NBPF20: variants seen among roughly 807,000 people sequenced by gnomAD.
The protein encoded by NBPF20 is NBPF member 20.
A neutral mutation model predicts 68.1 loss-of-function variants in NBPF20; 90 were observed. The observed-to-expected ratio is 1.32, with a 90% CI of 1.11 to 1.58. NBPF20 has a LOEUF of 1.58. Ranked by LOEUF, NBPF20 falls within the 40% of genes most tolerant of loss-of-function variation. The pLI, the probability that NBPF20 is intolerant of heterozygous loss-of-function variation, is 0.00. For missense variants in NBPF20, 816 were observed against 601.2 expected (o/e 1.36, Z -3.74); for synonymous variants, 290 against 228.1 (o/e 1.27, Z -2.45).
At chr1:145,405,031 G>T in intron 2 of NBPF20, 67 bp downstream of exon 7, 3 of 1,606,372 alleles carry the variant, frequency 1.9e-6, no homozygotes, top group African/African-American at 2.7e-5. Context: ...GATGGAGAGA[G>T]CATTTAGTGT....
chr1:145,421,305 C>A, the NBPF20 span, among the ~76,000 whole-genome samples: 1 of 152,164 alleles, frequency 6.6e-6, no homozygotes, highest in East Asian at 1.9e-4. Context: ...ATTCTACAGG[C>A]TGTCTCGCTG....
At position 145,309,479 on chromosome 1, in the gene NBPF20, C is replaced by G. The variant is rs1398761707; in HGVS notation, c.13938-231G>C. Among the ~76,000 whole-genome samples, 10 of 73,888 alleles carry G rather than the reference C, an allele frequency of 1.4e-4. 1 individual carries two copies. Among genetic ancestry groups the G allele is most frequent in the African/African-American group, 2.8e-4 (4 of 14,396 alleles). The allele number at this position is 73,888 out of a possible 152,430, so 48.5% of individuals were successfully genotyped here. On this transcript the variant is annotated intron_variant, in intron 115 of 137. Coordinates refer to ENST00000369373, the Ensembl canonical transcript of NBPF20. Reference sequence around the variant, plus strand: ...ACACACACACACACACACACACACACAGACACACACACACACACAGAGAGA... The same window carrying G: ...ACACACACACACACACACACACACAGAGACACACACACACACACAGAGAGA...
chr1:145,311,026 G>C lies in NBPF20; in HGVS notation c.13713-196C>G, dbSNP rs1661463422. ...AAAGAATGAAAGAGAAAGACAGGGAGAGGGAGGGAGAGAGAGAGAGAGAGA... is the reference window on the plus strand; with the variant it reads ...AAAGAATGAAAGAGAAAGACAGGGACAGGGAGGGAGAGAGAGAGAGAGAGA... On this transcript the variant is annotated intron_variant, in intron 113 of 137. Coordinates refer to ENST00000369373, the Ensembl canonical transcript of NBPF20. 2.3e-5 allele frequency among the ~76,000 whole-genome samples: 2 copies of C among 86,550 alleles called. 1 individual carries two copies. The highest frequency in any genetic ancestry group is 4.3e-5 in the Non-Finnish European group (2 of 46,258). 56.8% of individuals were successfully genotyped at this position (86,550 alleles called of 152,430 possible).
chr1:145,292,017 C>A (rs186950454), intron 137 of NBPF20, among the ~76,000 whole-genome samples: 3 of 148,982 alleles, frequency 2.0e-5, no homozygotes, highest in Admixed American at 6.6e-5. Context: ...AGTGAATTGC[C>A]CAGGTGACAT....
chr1:145,422,617 G>C, the NBPF20 span, among the ~76,000 whole-genome samples: 1 of 151,722 alleles, frequency 6.6e-6, no homozygotes, highest in Non-Finnish European at 1.5e-5. Flanking sequence ...AAGAAAAAAA[G>C]TGCCAAACAG....
chr1:145,400,113 C>T (rs1447594510), intron 6 of NBPF20, among the ~76,000 whole-genome samples: 1 of 152,138 alleles, frequency 6.6e-6, no homozygotes, highest in Non-Finnish European at 1.5e-5. Flanking sequence ...GATACTGAAT[C>T]GAAGCTAGTA....
chr1:145,291,424 C>A (rs1553657469), exon 138 of NBPF20: 3 of 1,608,852 alleles, frequency 1.9e-6, no homozygotes, highest in African/African-American at 2.7e-5. Flanking sequence ...CTGACCCATC[C>A]TATGTCTGGG....
At chr1:145,406,557 A>C (rs1662799330), upstream of NBPF20, among the ~76,000 whole-genome samples, 1 of 151,892 alleles carries the variant, frequency 6.6e-6, no homozygotes, top group South Asian at 2.1e-4. Flanking sequence ...CATTTCTATG[A>C]AAGATGTAGG....
At chr1:145,394,647 T>C (rs1479918198) in intron 8 of NBPF20, among the ~76,000 whole-genome samples, 3 of 152,042 alleles carry the variant, frequency 2.0e-5, no homozygotes, top group African/African-American at 7.3e-5. Context: ...AGACATTTAA[T>C]TCAGATGAGC....
At chr1:145,292,842 A>G (rs1661224817) in intron 136 of NBPF20, among the ~76,000 whole-genome samples, 1 of 67,566 alleles carries the variant, frequency 1.5e-5, no homozygotes, top group African/African-American at 7.5e-5. Flanking sequence ...TCAAATACTC[A>G]GATTGTTCAT....
Position 145,401,070 on chromosome 1 carries a change from C to G in NBPF20, c.555G>C (p.Ser185=), listed in dbSNP as rs200315261. 717 of 1,607,964 alleles carry G rather than the reference C, an allele frequency of 4.5e-4. 7 individuals are homozygous for G. In the African/African-American group the frequency reaches 8.7e-3, roughly 20 times the overall value. ...GTATTCAGTGTTACCTGGGGGCAGA[C>G]GATTTCTGCACTTTCTCAGCCAACT... Residue 185 remains serine, a synonymous_variant, in exon 5 of 138, where the codon TCG becomes TCC. Coordinates refer to ENST00000369373, the Ensembl canonical transcript of NBPF20.
intron 5 of NBPF20, 26 bp downstream of exon 10, chr1:145,401,033 A>G (rs1371221657): frequency 4.5e-6 from 7 of 1,567,726 alleles, no homozygotes; most frequent in Non-Finnish European, 6.1e-6. Context: ...ACCATCCATT[A>G]ATTGTTCCTG....
chr1:145,292,798 T>C (rs1270882034), intron 136 of NBPF20, among the ~76,000 whole-genome samples: 6 of 81,044 alleles, frequency 7.4e-5, no homozygotes, highest in African/African-American at 3.6e-4. Context: ...AAATGATTTC[T>C]AGGAGAAAAA....
exon 76 of NBPF20, chr1:145,340,931 C>A (rs1661602429): frequency 1.4e-5 from 2 of 146,778 alleles, no homozygotes; most frequent in Non-Finnish European, 2.8e-5. Context: ...CAGCAGCTCC[C>A]TGCTGAGCCT....
intron 7 of NBPF20, among the ~76,000 whole-genome samples, chr1:145,396,877 C>T (rs1662273162): frequency 7.5e-6 from 1 of 133,202 alleles, no homozygotes; most frequent in East Asian, 2.2e-4. Flanking sequence ...ATTAACTCAT[C>T]ATTTAACATT....
intron 3 of NBPF20, among the ~76,000 whole-genome samples, 173 bp downstream of exon 8, chr1:145,403,043 C>A (rs1553665841): frequency 1.3e-4 from 19 of 151,350 alleles, no homozygotes; most frequent in African/African-American, 3.4e-4. Flanking sequence ...GCAACCCATA[C>A]ATTTTTATTA....
At chr1:145,419,937 G>A in the NBPF20 span, among the ~76,000 whole-genome samples, 2 of 152,076 alleles carry the variant, frequency 1.3e-5, no homozygotes, top group Admixed American at 6.5e-5. Context: ...AGATGGGAAC[G>A]GCCTTCAAAA....
chr1:145,401,631 C>T (rs1435243528), intron 4 of NBPF20, among the ~76,000 whole-genome samples: 18 of 140,148 alleles, frequency 1.3e-4, no homozygotes, highest in Non-Finnish European at 1.9e-4. Context: ...CACTTCCTAC[C>T]ACAAAACGCC....
At chr1:145,394,952 T>C (rs1662151648) in intron 8 of NBPF20, 26 bp downstream of exon 13, 1 of 1,611,966 alleles carries the variant, frequency 6.2e-7, no homozygotes, top group East Asian at 2.2e-5. Context: ...ACTGGAGCTT[T>C]ATCACCTTCA....
Sources: allele counts gnomAD v4.1 joint callset (sites outside exome capture counted in the v4.1 genomes callset), GRCh38; gene constraint gnomAD v4.1.1; transcripts MANE v1.5; gene names NCBI Gene and HGNC (gene_info 2026-07-23, HGNC 2026-07-21).